UHRF2: variants seen among roughly 807,000 people sequenced by gnomAD.
UHRF2 encodes E3 ubiquitin-protein ligase UHRF2.
In UHRF2, 23 loss-of-function variants were observed where a neutral mutation model predicts 96.8. The ratio of observed to expected loss-of-function variants is 0.24; its 90% confidence interval spans 0.17 to 0.34. UHRF2 has a LOEUF of 0.34. Ranked by LOEUF, UHRF2 falls within the 10% of genes least tolerant of loss-of-function variation. The pLI, the probability that UHRF2 is intolerant of heterozygous loss-of-function variation, is 1.00. For synonymous variants in UHRF2, 385 were observed against 332.6 expected (o/e 1.16, Z -1.72); for missense variants, 685 against 981.5 (o/e 0.70, Z 4.04).
intron 2 of UHRF2, among the ~76,000 whole-genome samples, chr9:6,431,516 T>C (rs1820561102): frequency 6.6e-6 from 1 of 151,766 alleles, no homozygotes; most frequent in East Asian, 1.9e-4. Flanking sequence ...AGTTCAGGAG[T>C]AGGAGGCTGC....
chr9:6,494,003 C>T, intron 10 of UHRF2, 71 bp downstream of exon 10: 3 of 1,337,924 alleles, frequency 2.2e-6, no homozygotes, highest in East Asian at 2.5e-5. Flanking sequence ...TAAATTGTAA[C>T]TTACGTTGCA....
At chr9:6,461,006 A>G (rs1004613746) in intron 4 of UHRF2, among the ~76,000 whole-genome samples, 6 of 152,222 alleles carry the variant, frequency 3.9e-5, no homozygotes, top group African/African-American at 1.4e-4. Context: ...TACTGTTTGG[A>G]AGAATGTTGG....
chr9:6,426,741 G>C (rs1231897294), intron 2 of UHRF2, among the ~76,000 whole-genome samples: 1 of 151,980 alleles, frequency 6.6e-6, no homozygotes. Flanking sequence ...GAAATGATTT[G>C]CTTTATTTTT....
intron 3 of UHRF2, among the ~76,000 whole-genome samples, chr9:6,443,172 G>GT (rs1821282029): frequency 6.6e-6 from 1 of 152,200 alleles, no homozygotes; most frequent in Non-Finnish European, 1.5e-5. Context: ...GGCTAGGCAA[G>GT]TTGCAGTCTT....
At chr9:6,464,002 T>G (rs1298813696) in intron 4 of UHRF2, among the ~76,000 whole-genome samples, 1 of 152,204 alleles carries the variant, frequency 6.6e-6, no homozygotes, top group African/African-American at 2.4e-5. Context: ...TTGTAGAACC[T>G]GTGCATCTTC....
chr9:6,419,907 G>GT (rs1420402572), intron 1 of UHRF2, among the ~76,000 whole-genome samples: 2 of 151,846 alleles, frequency 1.3e-5, no homozygotes, highest in African/African-American at 2.4e-5. Flanking sequence ...ACCCGGCTAC[G>GT]TTTTTTTATT....
intron 2 of UHRF2, among the ~76,000 whole-genome samples, chr9:6,428,330 GCCT>G (rs1820371900): frequency 6.6e-6 from 1 of 152,028 alleles, no homozygotes; most frequent in African/African-American, 2.4e-5. Context: ...CTTACCAGGT[GCCT>G]CCTCCTGATT....
chr9:6,505,906 T>G lies in UHRF2; in HGVS notation c.2263-127T>G, dbSNP rs566350738. The G allele has an allele frequency of 1.2e-5, 12 of 976,090 alleles. No homozygotes were observed. In the African/African-American group the frequency reaches 1.9e-4, roughly 16 times the overall value. The allele number at this position is 976,090 out of a possible 1,614,324, so 60.5% of individuals were successfully genotyped here. A position where few individuals can be genotyped will look rare whatever the true frequency, so the allele number is the denominator to read the frequency against. On this transcript the variant is annotated intron_variant, in intron 15 of 15. Transcript: ENST00000276893. The stretch of plus-strand genomic sequence containing the variant: ...CTTTTCCATAGTGCAGATTCAAGCC[T>G]TTATGTTTGTTCATTCTGTACATTT...
chr9:6,487,120 G>T (rs1242734163), intron 9 of UHRF2, among the ~76,000 whole-genome samples, 195 bp downstream of exon 9: 1 of 145,438 alleles, frequency 6.9e-6, no homozygotes, highest in African/African-American at 2.6e-5. Context: ...TGACTTATAT[G>T]TGTTTGTTAA....
In UHRF2 at chr9:6,420,783, A is replaced by G. The variant is rs529157868; in HGVS notation, c.154-129A>G. The G allele has an allele frequency of 1.5e-5, 10 of 685,600 alleles. No individual in the cohort carries two copies. The East Asian group carries it at 2.2e-4, about 15-fold the overall frequency. The allele number at this position is 685,600 out of a possible 1,614,324, so 42.5% of individuals were successfully genotyped here. A position where few individuals can be genotyped will look rare whatever the true frequency, so the allele number is the denominator to read the frequency against. Reference sequence around the variant, plus strand: ...CTGACATCAGAGGCCATTAAGTATTAAGAATGGTTTTAAAATCTCTAAACT... The same window carrying G: ...CTGACATCAGAGGCCATTAAGTATTGAGAATGGTTTTAAAATCTCTAAACT... On this transcript the variant is annotated intron_variant, in intron 1 of 15. Transcript: ENST00000276893.
chr9:6,442,402 A>T (rs1356740818), intron 3 of UHRF2, among the ~76,000 whole-genome samples: 1 of 152,220 alleles, frequency 6.6e-6, no homozygotes, highest in Non-Finnish European at 1.5e-5. Flanking sequence ...CAGAATAATC[A>T]ATCCATAAAT....
intron 3 of UHRF2, among the ~76,000 whole-genome samples, chr9:6,453,460 T>C (rs1411757977): frequency 1.3e-5 from 2 of 152,184 alleles, no homozygotes; most frequent in East Asian, 3.8e-4. Flanking sequence ...CTGTCTTACA[T>C]GGACTTAAGA....
At chr9:6,423,672 G>T (rs56939673) in intron 2 of UHRF2, among the ~76,000 whole-genome samples, 2 of 150,094 alleles carry the variant, frequency 1.3e-5, no homozygotes, top group Non-Finnish European at 3.0e-5. Context: ...TCGGCCGGGC[G>T]TGGTGGCTCA....
chr9:6,437,200 T>C (rs1478064074), intron 3 of UHRF2, among the ~76,000 whole-genome samples: 1 of 152,204 alleles, frequency 6.6e-6, no homozygotes, highest in East Asian at 1.9e-4. Flanking sequence ...AAAGCTGGTA[T>C]AGCCTAACAG....
At chr9:6,413,674 G>A in intron 1 of UHRF2, 31 bp downstream of exon 1, 1 of 1,534,084 alleles carries the variant, frequency 6.5e-7, no homozygotes, top group South Asian at 1.2e-5. Context: ...CCCTAGCGAG[G>A]CTGGGGGCCG....
In UHRF2 at chr9:6,481,845, T is replaced by C. The variant is rs1823946679; in HGVS notation, c.1284+79T>C. 3.2e-6 allele frequency: 5 copies of C among 1,553,288 alleles called. No homozygotes were observed. The East Asian group carries it at 1.1e-4, about 35-fold the overall frequency. The stretch of plus-strand genomic sequence containing the variant: ...TTTAATACCAATAGTAGTAATGGTA[T>C]AAAAGATTAAACAGTATCATTATTT... On this transcript the variant is annotated intron_variant, in intron 7 of 15. Transcript: ENST00000276893.
chr9:6,495,045 G>A (rs1158382045), intron 10 of UHRF2: 1 of 152,106 alleles, frequency 6.6e-6, no homozygotes, highest in African/African-American at 2.4e-5. Context: ...TAAATATTTT[G>A]ATGTGTTTTT....
intron 3 of UHRF2, among the ~76,000 whole-genome samples, chr9:6,443,013 C>T (rs926548621): frequency 7.2e-5 from 11 of 151,980 alleles, no homozygotes; most frequent in African/African-American, 4.8e-5. Flanking sequence ...TTAGAGGTCT[C>T]GGGTTATAAC....
chr9:6,499,972 TTTG>T (rs553532921), intron 13 of UHRF2, 41 bp downstream of exon 13: 246 of 1,435,858 alleles, frequency 1.7e-4, no homozygotes, highest in East Asian at 2.3e-4. Flanking sequence ...ATAACATACT[TTTG>T]TTGTTGTTGT....
Sources: allele counts gnomAD v4.1 joint callset (sites outside exome capture counted in the v4.1 genomes callset), GRCh38; gene constraint gnomAD v4.1.1; transcripts MANE v1.5; gene names NCBI Gene and HGNC (gene_info 2026-07-23, HGNC 2026-07-21).